COMMD7: variants seen among roughly 807,000 people sequenced by gnomAD.
COMMD7 encodes COMM domain containing 7.
In COMMD7, 28 loss-of-function variants were observed where a neutral mutation model predicts 34.8. The observed-to-expected ratio is 0.80, with a 90% CI of 0.60 to 1.10. The LOEUF is 1.10. Ranked by LOEUF, COMMD7 falls within the 50% of genes least tolerant of loss-of-function variation. The probability of loss-of-function intolerance (pLI) is 0.00; values close to 1 mark genes in which losing one functional copy is unlikely to be tolerated. For synonymous variants in COMMD7, 80 were observed against 86.4 expected, an observed-to-expected ratio of 0.93 and a Z score of 0.41; for missense variants, 211 against 241.6, an observed-to-expected ratio of 0.87 and a Z score of 0.84.
chr20:32,718,967 A>C (rs928440075), intron 3 of COMMD7, among the ~76,000 whole-genome samples: 12 of 152,254 alleles, frequency 7.9e-5, no homozygotes, highest in Admixed American at 3.3e-4. Flanking sequence ...AATTTGAGGA[A>C]GACTGATCTG....
At chr20:32,729,293 C>G (rs6058835) in intron 1 of COMMD7, among the ~76,000 whole-genome samples, 1 of 151,400 alleles carries the variant, frequency 6.6e-6, no homozygotes, top group Non-Finnish European at 1.5e-5. Context: ...CTCAGCCTCC[C>G]GAGCAGCTGG....
Position 32,704,006 on chromosome 20 carries a change from TG to T in COMMD7, c.526+16del. 1.2e-6 allele frequency: 2 copies of T among 1,614,036 alleles called. No homozygotes were observed. Among genetic ancestry groups the T allele is most frequent in the East Asian group, 4.5e-5 (2 of 44,844 alleles). The stretch of plus-strand genomic sequence containing the variant: ...CACAAAAAAGGTGAAGAGGCTCAAG[TG>T]GGAATTCAGACTCACCTATATACAC... On this transcript the variant is annotated intron_variant, in intron 8 of 8. Coordinates refer to ENST00000278980, the MANE Select transcript of COMMD7 (RefSeq NM_053041.3).
intron 3 of COMMD7, among the ~76,000 whole-genome samples, chr20:32,723,187 C>A (rs1420521479): frequency 2.0e-5 from 1 of 50,102 alleles, no homozygotes; most frequent in African/African-American, 7.0e-5. Flanking sequence ...GTCTCCCTCT[C>A]ATGCGGAGCC....
At chr20:32,728,246 C>T in intron 1 of COMMD7, 104 bp from the exon 2 acceptor site, 4 of 1,043,958 alleles carry the variant, frequency 3.8e-6, no homozygotes, top group Non-Finnish European at 5.9e-6. Context: ...ACAGTAACAG[C>T]CAGGTGTTAT....
intron 1 of COMMD7, among the ~76,000 whole-genome samples, chr20:32,737,708 C>T (rs537373617): frequency 2.0e-5 from 3 of 151,712 alleles, no homozygotes; most frequent in East Asian, 3.9e-4. Context: ...TGTGGTGGCA[C>T]ATGCCTGTGG....
intron 3 of COMMD7, among the ~76,000 whole-genome samples, chr20:32,715,831 A>AAATAAATT: frequency 6.6e-6 from 1 of 152,264 alleles, no homozygotes; most frequent in East Asian, 1.9e-4. Context: ...AATCAAAAAT[A>AAATAAATT]AATAAATTAA....
chr20:32,716,552 T>G (rs1984797181), intron 3 of COMMD7, among the ~76,000 whole-genome samples: 1 of 152,120 alleles, frequency 6.6e-6, no homozygotes, highest in South Asian at 2.1e-4. Context: ...GAGGCGGAGC[T>G]TGCAGTGAGC....
At chr20:32,704,555 C>T (rs573634023) in intron 6 of COMMD7, 66 bp from the exon 7 acceptor site, 4 of 1,523,890 alleles carry the variant, frequency 2.6e-6, no homozygotes, top group African/African-American at 1.4e-5. Flanking sequence ...TGAGGACTGA[C>T]CCTGAAGACC....
At chr20:32,729,587 C>T (rs541865524) in intron 1 of COMMD7, among the ~76,000 whole-genome samples, 1 of 149,216 alleles carries the variant, frequency 6.7e-6, no homozygotes, top group Admixed American at 6.8e-5. Context: ...TTGAGATCTG[C>T]CTGGGCAACA....
intron 1 of COMMD7, among the ~76,000 whole-genome samples, chr20:32,740,262 A>G (rs1986361668): frequency 6.7e-6 from 1 of 150,370 alleles, no homozygotes; most frequent in East Asian, 2.0e-4. Flanking sequence ...GCTTGCAGTG[A>G]GCCGAGATCA....
At chr20:32,736,532 T>C (rs536294750) in intron 1 of COMMD7, among the ~76,000 whole-genome samples, 4 of 151,988 alleles carry the variant, frequency 2.6e-5, no homozygotes, top group Non-Finnish European at 4.4e-5. Flanking sequence ...TAGCCAGGCA[T>C]GGTGGCACAT....
intron 3 of COMMD7, among the ~76,000 whole-genome samples, chr20:32,722,857 T>C (rs2145750346): frequency 6.8e-6 from 1 of 147,364 alleles, no homozygotes; most frequent in South Asian, 2.2e-4. Context: ...CCATCTCTAC[T>C]AAAAAATACA....
At chr20:32,738,422 A>G (rs1423544809) in intron 1 of COMMD7, among the ~76,000 whole-genome samples, 1 of 152,118 alleles carries the variant, frequency 6.6e-6, no homozygotes, top group East Asian at 1.9e-4. Flanking sequence ...CCTCATCTCT[A>G]TTAAGAATAC....
chr20:32,741,213 A>T (rs908439244), intron 1 of COMMD7, among the ~76,000 whole-genome samples: 10 of 150,838 alleles, frequency 6.6e-5, no homozygotes, highest in South Asian at 2.1e-4. Flanking sequence ...AAAAAAAAAA[A>T]TTTTTTTTTA....
intron 3 of COMMD7, among the ~76,000 whole-genome samples, chr20:32,709,715 C>T (rs1299962916): frequency 6.6e-6 from 1 of 152,134 alleles, no homozygotes; most frequent in African/African-American, 2.4e-5. Context: ...AGGCTCTCTC[C>T]CTTGCTTACT....
chr20:32,728,083 A>G lies in COMMD7; in HGVS notation c.138+6T>C, dbSNP rs1985622003. 6.2e-7 allele frequency: 1 copy of G among 1,613,872 alleles called. No homozygotes were observed. Among genetic ancestry groups the G allele is most frequent in the Admixed American group, 1.7e-5 (1 of 59,958 alleles). ...CCCACTCCCTAACACAGAATGTTTT[A>G]TTTACCTCTTTTGGCTCAGTTAGGA... On this transcript the variant is annotated splice_donor_region_variant and intron_variant, in intron 2 of 8. Transcript: ENST00000278980.
intron 6 of COMMD7, 80 bp downstream of exon 6, chr20:32,704,734 C>T: frequency 9.6e-7 from 1 of 1,041,534 alleles, no homozygotes; most frequent in Non-Finnish European, 1.5e-6. Context: ...GTCATGCCTT[C>T]CCCATAGTGG....
intron 3 of COMMD7, among the ~76,000 whole-genome samples, chr20:32,714,511 A>C (rs935598794): frequency 6.6e-6 from 1 of 151,234 alleles, no homozygotes; most frequent in African/African-American, 2.4e-5. Context: ...AATATGGTGA[A>C]ACCCCGTCTC....
In COMMD7 at chr20:32,706,687, C is replaced by A. The variant is rs2145709999; in HGVS notation, c.298+17G>T. 2.5e-6 allele frequency: 4 copies of A among 1,613,570 alleles called. No homozygotes were observed. Among genetic ancestry groups the A allele is most frequent in the Non-Finnish European group, 2.5e-6 (3 of 1,179,668 alleles). On this transcript the variant is annotated intron_variant, in intron 4 of 8. Transcript: ENST00000278980. Reference sequence around the variant, plus strand: ...TCAGAAGCCAGTCACCCTGAGCAACCCTGGCCAATGACCTACCCAGAGTTA... The same window carrying A: ...TCAGAAGCCAGTCACCCTGAGCAACACTGGCCAATGACCTACCCAGAGTTA...
Sources: gnomAD v4.1 joint callset for allele counts (sites outside exome capture counted in the v4.1 genomes callset) on GRCh38, gnomAD v4.1.1 for gene constraint, MANE v1.5 for transcripts, NCBI Gene and HGNC (gene_info 2026-07-23, HGNC 2026-07-21) for gene names.